ATP8A1: variants seen among roughly 807,000 people sequenced by gnomAD.
ATP8A1 encodes phospholipid-transporting ATPase IA.
ATP8A1 carries 90 observed loss-of-function variants against 177.7 expected under a neutral mutation model. The ratio of observed to expected loss-of-function variants is 0.51; its 90% CI spans 0.43 to 0.60. ATP8A1 has a LOEUF of 0.60. Ranked by LOEUF, ATP8A1 falls within the 20% of genes least tolerant of loss-of-function variation. The probability of loss-of-function intolerance (pLI) is 0.00; values close to 1 mark genes in which losing one functional copy is unlikely to be tolerated. For synonymous variants in ATP8A1, 493 were observed against 485.9 expected, an observed-to-expected ratio of 1.01 and a Z score of -0.19; for missense variants, 1,072 against 1,392.8, an observed-to-expected ratio of 0.77 and a Z score of 3.67.
Position 42,485,638 on chromosome 4 carries a change from T to C in ATP8A1, c.2182A>G (p.Thr728Ala), listed in dbSNP as rs745684249. The C allele has an allele frequency of 2.5e-6, 4 of 1,612,576 alleles. No homozygotes were observed. The highest frequency in any genetic ancestry group is 2.2e-5 in the East Asian group (1 of 44,838). ...GTRETLSRHC[T>A]TLGDALRKEN... ...TTCCGGAGAGCATCACCAAGGGTAG[T>C]ACAGTGACGACTGAGAGTTTCCCTT... Residue 728 changes from threonine (T) to alanine (A), a missense_variant, in exon 25 of 37, where the codon ACT becomes GCT. Coordinates refer to ENST00000381668, the MANE Select transcript of ATP8A1 (RefSeq NM_006095.2).
At chr4:42,513,438 T>G (rs776790597) in intron 22 of ATP8A1, among the ~76,000 whole-genome samples, 7 of 152,144 alleles carry the variant, frequency 4.6e-5, no homozygotes, top group Non-Finnish European at 5.9e-5. Context: ...TCTCGATGGC[T>G]CAAAGAAAAT....
chr4:42,651,269 A>AC (rs1218854253), intron 1 of ATP8A1, among the ~76,000 whole-genome samples: 5 of 152,184 alleles, frequency 3.3e-5, no homozygotes, highest in Non-Finnish European at 7.3e-5. Flanking sequence ...CTAATACAGT[A>AC]CATTGGTACC....
intron 33 of ATP8A1, among the ~76,000 whole-genome samples, chr4:42,431,109 G>A (rs544644172): frequency 6.6e-6 from 1 of 152,078 alleles, no homozygotes; most frequent in African/African-American, 2.4e-5. Flanking sequence ...CTAGAATAGC[G>A]CTTTGACATA....
chr4:42,563,784 G>C (rs1172890272), intron 15 of ATP8A1, among the ~76,000 whole-genome samples: 2 of 152,164 alleles, frequency 1.3e-5, no homozygotes, highest in Non-Finnish European at 2.9e-5. Flanking sequence ...TGAGCCTGTG[G>C]GTACACAGAA....
chr4:42,530,983 A>C (rs1727207358), intron 20 of ATP8A1, among the ~76,000 whole-genome samples: 1 of 152,142 alleles, frequency 6.6e-6, no homozygotes, highest in African/African-American at 2.4e-5. Flanking sequence ...GAGACACAAC[A>C]ATGATTCAAT....
At chr4:42,647,920 T>C (rs1264395805) in intron 1 of ATP8A1, among the ~76,000 whole-genome samples, 1 of 152,142 alleles carries the variant, frequency 6.6e-6, no homozygotes, top group East Asian at 1.9e-4. Flanking sequence ...AACCAACAGA[T>C]ACCTGGTCAA....
chr4:42,627,023 G>A lies in ATP8A1; in HGVS notation c.136C>T (p.Leu46=). ...VRTIFINQPQ[L]TKFCNNHVST... ...ACATGGTTATTGCAGAATTTTGTCA[G>A]CTGGGGCTGGTTGATGAAAATAGTC... The change falls in exon 2 of 37, where the codon CTG becomes TTG. Residue 46 remains leucine (L), a synonymous_variant. Transcript: ENST00000381668. The A allele has an allele frequency of 6.2e-7, 1 of 1,614,040 alleles. No individual in the cohort carries two copies. Among genetic ancestry groups the A allele is most frequent in the Non-Finnish European group, 8.5e-7 (1 of 1,179,938 alleles).
chr4:42,416,376 C>T (rs1713243953), intron 35 of ATP8A1, among the ~76,000 whole-genome samples: 2 of 152,114 alleles, frequency 1.3e-5, no homozygotes, highest in Admixed American at 1.3e-4. Context: ...AGGTTTCAGG[C>T]TGGCCTTCCT....
rs1741694798 is a variant in ATP8A1 at position 42,656,893 on chromosome 4, G to T, written c.-20C>A. 3 of 1,574,270 alleles carry T rather than the reference G, an allele frequency of 1.9e-6. No homozygotes were observed. In the South Asian group the frequency reaches 3.5e-5, roughly 18 times the overall value. ...GGGCATCGCGGCGGCGGCTGCAGGT[G>T]GGTCCTCAGCCCGGACTCTGCACCT... On this transcript the variant is annotated 5_prime_UTR_variant, in exon 1 of 37. Transcript: ENST00000381668.
Position 42,575,509 on chromosome 4 carries a change from A to G in ATP8A1, c.1206+113T>C, listed in dbSNP as rs1048612887. The G allele has an allele frequency of 5.3e-5, 42 of 798,914 alleles. No homozygotes were observed. The African/African-American group carries it at 7.3e-4, about 14-fold the overall frequency. The allele number at this position is 798,914 out of a possible 1,614,324, so 49.5% of individuals were successfully genotyped here. On this transcript the variant is annotated intron_variant, in intron 13 of 36. Transcript: ENST00000381668. ...TCATGCACTAACAAATATATTATTC[A>G]AATAGTGGAAAATTAAAAGCTGTCC...
chr4:42,463,986 G>C (rs1335408713), intron 27 of ATP8A1, among the ~76,000 whole-genome samples: 3 of 152,118 alleles, frequency 2.0e-5, no homozygotes, highest in Non-Finnish European at 4.4e-5. Flanking sequence ...CAGAATTAGA[G>C]GTGCTAGCTT....
At chr4:42,627,322 A>T (rs549510564) in intron 1 of ATP8A1, among the ~76,000 whole-genome samples, 1 of 152,340 alleles carries the variant, frequency 6.6e-6, no homozygotes, top group African/African-American at 2.4e-5. Flanking sequence ...ACTGAGCCAT[A>T]TCAAAAACAA....
At chr4:42,649,043 C>T (rs1740828904) in intron 1 of ATP8A1, among the ~76,000 whole-genome samples, 1 of 152,020 alleles carries the variant, frequency 6.6e-6, no homozygotes, top group African/African-American at 2.4e-5. Flanking sequence ...CCCAGAAATC[C>T]CATTTCTAGG....
intron 32 of ATP8A1, 29 bp downstream of exon 32, chr4:42,444,549 T>A (rs201430358): frequency 6.3e-7 from 1 of 1,598,750 alleles, no homozygotes; most frequent in East Asian, 2.2e-5. Context: ...AATGTGACAT[T>A]TCTTGGTTGT....
chr4:42,478,972 T>G (rs1181933998), intron 25 of ATP8A1, among the ~76,000 whole-genome samples: 1 of 152,160 alleles, frequency 6.6e-6, no homozygotes, highest in African/African-American at 2.4e-5. Context: ...TTTCAATTTT[T>G]GAGAAAAGAA....
intron 7 of ATP8A1, among the ~76,000 whole-genome samples, chr4:42,590,066 G>A (rs938190295): frequency 1.1e-4 from 16 of 152,162 alleles, no homozygotes; most frequent in African/African-American, 3.9e-4. Flanking sequence ...AATCATGCTA[G>A]ATCATAAATA....
intron 1 of ATP8A1, among the ~76,000 whole-genome samples, chr4:42,652,312 G>C (rs1023929733): frequency 6.6e-6 from 1 of 152,018 alleles, no homozygotes; most frequent in Non-Finnish European, 1.5e-5. Context: ...TTAAGAATGC[G>C]AATCCCCAAG....
chr4:42,583,479 C>A (rs1466233234), intron 9 of ATP8A1, among the ~76,000 whole-genome samples: 1 of 152,166 alleles, frequency 6.6e-6, no homozygotes, highest in Non-Finnish European at 1.5e-5. Context: ...CTTACCCAGC[C>A]AATGGGGTAT....
chr4:42,514,346 G>C (rs1054932928), intron 22 of ATP8A1, among the ~76,000 whole-genome samples: 4 of 152,086 alleles, frequency 2.6e-5, no homozygotes, highest in African/African-American at 9.7e-5. Flanking sequence ...CAATACCCAG[G>C]GTGGAAAATC....
Sources: gnomAD v4.1 joint callset for allele counts (sites outside exome capture counted in the v4.1 genomes callset) on GRCh38, gnomAD v4.1.1 for gene constraint, MANE v1.5 for transcripts, NCBI Gene and HGNC (gene_info 2026-07-23, HGNC 2026-07-21) for gene names.